PHLDB2: variants seen among roughly 807,000 people sequenced by gnomAD.
PHLDB2 encodes the protein pleckstrin homology-like domain family B member 2.
A neutral mutation model predicts 123.6 loss-of-function variants in PHLDB2; 71 were observed. The observed-to-expected ratio is 0.57, with a 90% confidence interval of 0.47 to 0.70. PHLDB2 has a LOEUF of 0.70. Among genes scored for constraint, PHLDB2 ranks in the 30% least tolerant of loss-of-function variants. The probability of loss-of-function intolerance (pLI) is 0.00; values close to 1 mark genes in which losing one functional copy is unlikely to be tolerated. For synonymous variants in PHLDB2, 547 were observed against 541.6 expected, an observed-to-expected ratio of 1.01 and a Z score of -0.14; for missense variants, 1,446 against 1,519.5, an observed-to-expected ratio of 0.95 and a Z score of 0.80.
chr3:111,829,107 C>T (rs1269249095), intron 1 of PHLDB2, among the ~76,000 whole-genome samples: 1 of 152,122 alleles, frequency 6.6e-6, no homozygotes, highest in Non-Finnish European at 1.5e-5. Flanking sequence ...AGACATTTCC[C>T]TTCTCCTATT....
At chr3:111,888,734 T>C (rs1182281773) in intron 2 of PHLDB2, among the ~76,000 whole-genome samples, 1 of 152,226 alleles carries the variant, frequency 6.6e-6, no homozygotes, top group Non-Finnish European at 1.5e-5. Flanking sequence ...GTGCTTGTCA[T>C]ATATTACATT....
intron 1 of PHLDB2, among the ~76,000 whole-genome samples, chr3:111,761,581 C>A (rs1468478626): frequency 3.3e-5 from 5 of 152,210 alleles, no homozygotes; most frequent in African/African-American, 1.2e-4. Flanking sequence ...CCTGATTTAA[C>A]TCTCTGCTTT....
chr3:111,807,508 A>G (rs1362265919), intron 1 of PHLDB2, among the ~76,000 whole-genome samples: 3 of 152,190 alleles, frequency 2.0e-5, no homozygotes, highest in Admixed American at 2.0e-4. Context: ...GCTTGGGGCC[A>G]GGAGTTTGCC....
chr3:111,766,299 C>T (rs550950134), intron 1 of PHLDB2, among the ~76,000 whole-genome samples: 16 of 151,930 alleles, frequency 1.1e-4, no homozygotes, highest in Non-Finnish European at 1.5e-4. Context: ...AAAAATTAGC[C>T]GGGCATGGTG....
chr3:111,838,298 C>T (rs1274222195), intron 1 of PHLDB2, among the ~76,000 whole-genome samples: 3 of 152,154 alleles, frequency 2.0e-5, no homozygotes, highest in African/African-American at 7.2e-5. Flanking sequence ...ACCACTCCTA[C>T]CCAGGAACCT....
intron 1 of PHLDB2, among the ~76,000 whole-genome samples, chr3:111,796,182 G>A (rs1174262011): frequency 6.6e-6 from 1 of 152,152 alleles, no homozygotes; most frequent in Non-Finnish European, 1.5e-5. Context: ...ACAGGCATGA[G>A]CCACCACATC....
At chr3:111,889,891 G>A (rs2076559207) in intron 2 of PHLDB2, among the ~76,000 whole-genome samples, 1 of 151,996 alleles carries the variant, frequency 6.6e-6, no homozygotes, top group African/African-American at 2.4e-5. Context: ...CCTACAAACA[G>A]TGTTCCCCAC....
chr3:111,877,481 G>A (rs1439521518), intron 1 of PHLDB2, among the ~76,000 whole-genome samples: 1 of 152,110 alleles, frequency 6.6e-6, no homozygotes, highest in Non-Finnish European at 1.5e-5. Flanking sequence ...TTTGTCAGAT[G>A]AGTAGATTGC....
chr3:111,765,794 C>T (rs2060069028), intron 1 of PHLDB2, among the ~76,000 whole-genome samples: 2 of 152,060 alleles, frequency 1.3e-5, no homozygotes, highest in African/African-American at 4.8e-5. Context: ...AAATATGTTC[C>T]CATTATTTGA....
At chr3:111,751,816 T>C (rs1158676179) in intron 1 of PHLDB2, among the ~76,000 whole-genome samples, 1 of 152,026 alleles carries the variant, frequency 6.6e-6, no homozygotes, top group Non-Finnish European at 1.5e-5. Flanking sequence ...TGTGCACATG[T>C]ACCCTAAAAC....
intron 1 of PHLDB2, among the ~76,000 whole-genome samples, chr3:111,775,067 T>C (rs2060244557): frequency 6.6e-6 from 1 of 152,148 alleles, no homozygotes; most frequent in Non-Finnish European, 1.5e-5. Flanking sequence ...AATAATGAGA[T>C]AATAATCATA....
At chr3:111,968,601 A>ATTACTTTTACTTTTACATTACTT (rs2071965116) in intron 15 of PHLDB2, among the ~76,000 whole-genome samples, 1 of 152,216 alleles carries the variant, frequency 6.6e-6, no homozygotes. Context: ...AAAAGATACC[A>ATTACTTTTACTTTTACATTACTT]TTACTTTTAT....
At chr3:111,943,739 T>G (rs550941235) in intron 8 of PHLDB2, among the ~76,000 whole-genome samples, 3 of 152,192 alleles carry the variant, frequency 2.0e-5, no homozygotes, top group Non-Finnish European at 4.4e-5. Context: ...AAATCTCAAA[T>G]GTTGACAAGA....
chr3:111,853,664 T>A (rs2064358873), intron 2 of PHLDB2, among the ~76,000 whole-genome samples: 1 of 151,978 alleles, frequency 6.6e-6, no homozygotes, highest in Non-Finnish European at 1.5e-5. Flanking sequence ...TCAACTGAGG[T>A]CAAGAGTTCA....
chr3:111,949,599 T>C (rs2070575929), intron 10 of PHLDB2: 1 of 641,742 alleles, frequency 1.6e-6, no homozygotes, highest in Non-Finnish European at 1.9e-6. Flanking sequence ...TGTAACTTCT[T>C]AATTAAAATA....
chr3:111,813,669 C>T (rs1383022526), intron 1 of PHLDB2, among the ~76,000 whole-genome samples: 1 of 152,086 alleles, frequency 6.6e-6, no homozygotes, highest in African/African-American at 2.4e-5. Flanking sequence ...TAATTATAAA[C>T]CAATTGGAAA....
chr3:111,854,051 T>C (rs534490442), intron 2 of PHLDB2, among the ~76,000 whole-genome samples: 1 of 152,282 alleles, frequency 6.6e-6, no homozygotes, highest in Admixed American at 6.5e-5. Flanking sequence ...AGTTTCACAT[T>C]GCTGGGGAGG....
intron 1 of PHLDB2, among the ~76,000 whole-genome samples, chr3:111,834,134 T>TATGTAATAGAATTATATATATTA (rs1559857968): frequency 4.6e-5 from 1 of 21,712 alleles, no homozygotes; most frequent in Admixed American, 6.2e-4. Context: ...TATATATATA[T>TATGTAATAGAATTATATATATTA]TATATGTAAT....
chr3:111,834,055 A>ATTATATATGTAATAGAATTATATATATT (rs796992166), intron 1 of PHLDB2, among the ~76,000 whole-genome samples: 2 of 14,818 alleles, frequency 1.3e-4, no homozygotes, highest in South Asian at 2.6e-3. Flanking sequence ...AATTATATAT[A>ATTATATATGTAATAGAATTATATATATT]ATATATGTAA....
Sources: gnomAD v4.1 joint callset for allele counts (sites outside exome capture counted in the v4.1 genomes callset) on GRCh38, gnomAD v4.1.1 for gene constraint, MANE v1.5 for transcripts, NCBI Gene and HGNC (gene_info 2026-07-23, HGNC 2026-07-21) for gene names.